The following FARSB variants were observed in gnomAD, a reference collection of about 807,000 sequenced individuals.
FARSB encodes phenylalanine--tRNA ligase beta subunit.
FARSB carries 40 observed loss-of-function variants against 69.6 expected under a neutral mutation model. The observed-to-expected ratio is 0.57, with a 90% CI of 0.45 to 0.75. FARSB has a LOEUF of 0.75. Ranked by LOEUF, FARSB falls within the 30% of genes least tolerant of loss-of-function variation. The probability of loss-of-function intolerance (pLI) is 0.00; values close to 1 mark genes in which losing one functional copy is unlikely to be tolerated. For missense variants in FARSB, 632 were observed against 722.9 expected (o/e 0.87, Z 1.44); for synonymous variants, 235 against 247.2 (o/e 0.95, Z 0.46).
chr2:222,655,275 C>T (rs2106021448), intron 1 of FARSB, among the ~76,000 whole-genome samples: 1 of 152,088 alleles, frequency 6.6e-6, no homozygotes, highest in South Asian at 2.1e-4. Context: ...TATCTCCCTC[C>T]TTTTTTTCAA....
At chr2:222,618,944 C>A (rs1691066472) in intron 14 of FARSB, among the ~76,000 whole-genome samples, 1 of 152,094 alleles carries the variant, frequency 6.6e-6, no homozygotes, top group Non-Finnish European at 1.5e-5. Context: ...AGTTCAGAAC[C>A]AGCCTCGCCA....
intron 16 of FARSB, among the ~76,000 whole-genome samples, chr2:222,587,574 T>A (rs1277161962): frequency 6.6e-6 from 1 of 152,070 alleles, no homozygotes; most frequent in African/African-American, 2.4e-5. Context: ...CAGGAGCTGG[T>A]TTTTTGAAAA....
chr2:222,638,045 GAA>G (rs1303810645), intron 5 of FARSB, among the ~76,000 whole-genome samples: 6 of 150,946 alleles, frequency 4.0e-5, no homozygotes, highest in African/African-American at 7.3e-5. Flanking sequence ...CTGATCAAAG[GAA>G]AAAAAAGAGA....
At chr2:222,583,997 A>G (rs1690039754) in intron 16 of FARSB, among the ~76,000 whole-genome samples, 2 of 152,196 alleles carry the variant, frequency 1.3e-5, no homozygotes, top group South Asian at 2.1e-4. Context: ...ATATTTCTTC[A>G]TAGCAGCATG....
At chr2:222,584,946 C>T (rs186469518) in intron 16 of FARSB, among the ~76,000 whole-genome samples, 8 of 152,362 alleles carry the variant, frequency 5.3e-5, no homozygotes, top group African/African-American at 1.7e-4. Flanking sequence ...GCAGCAGAAA[C>T]TTCTGCAGAC....
At position 222,651,253 on chromosome 2, in the gene FARSB, T is replaced by G. The variant is rs1031059806; in HGVS notation, c.59-2458A>C. On this transcript the variant is annotated intron_variant, in intron 1 of 16. Coordinates refer to ENST00000281828, the MANE Select transcript of FARSB (RefSeq NM_005687.5). ...GGACTGTAAAAAATCAATGGGGTGA[T>G]GTAACTAAGATTTCCAACCAGTGTT... 1.2e-4 allele frequency among the ~76,000 whole-genome samples: 18 copies of G among 152,158 alleles called. 1 individual carries two copies. Among genetic ancestry groups the G allele is most frequent in the African/African-American group, 4.1e-4 (17 of 41,406 alleles).
chr2:222,616,195 G>A (rs969366831), intron 14 of FARSB, among the ~76,000 whole-genome samples: 46 of 152,208 alleles, frequency 3.0e-4, no homozygotes, highest in African/African-American at 7.9e-4. Flanking sequence ...AAAGACGGAA[G>A]GATGAGAGGT....
intron 5 of FARSB, 121 bp downstream of exon 5, chr2:222,639,457 GGA>G (rs2106235399): frequency 4.0e-5 from 18 of 445,074 alleles, no homozygotes; most frequent in South Asian, 2.0e-4. Flanking sequence ...AAGAAAGGAA[GGA>G]GAGAGAGAGA....
In FARSB at chr2:222,642,828, C is replaced by G. The variant is rs768846321; in HGVS notation, c.269+23G>C. ...AAAAGAAAACCCAACTTAGCAAAGT[C>G]TTTAAGGAACATATTTCCTTACCTT... is the stretch of plus-strand genomic sequence containing the variant. On this transcript the variant is annotated intron_variant, in intron 3 of 16. Transcript: ENST00000281828. 4 of 1,567,524 alleles carry G rather than the reference C, an allele frequency of 2.6e-6. No individual in the cohort carries two copies. The African/African-American group carries it at 5.5e-5, about 22-fold the overall frequency.
At chr2:222,590,845 C>T (rs1438676707) in intron 16 of FARSB, among the ~76,000 whole-genome samples, 1 of 152,022 alleles carries the variant, frequency 6.6e-6, no homozygotes, top group African/African-American at 2.4e-5. Context: ...GACATCGGGA[C>T]TTATTATGCT....
chr2:222,610,804 T>C (rs28708680), intron 15 of FARSB, among the ~76,000 whole-genome samples: 395 of 152,346 alleles, frequency 2.6e-3, no homozygotes, highest in African/African-American at 9.3e-3. Flanking sequence ...ATAAGTGCTA[T>C]CATTATTCCC....
intron 1 of FARSB, among the ~76,000 whole-genome samples, chr2:222,653,946 C>T (rs185889665): frequency 4.0e-5 from 6 of 151,774 alleles, no homozygotes; most frequent in African/African-American, 2.4e-5. Flanking sequence ...AGCTAACAAA[C>T]ACATATTTGT....
intron 16 of FARSB, among the ~76,000 whole-genome samples, chr2:222,593,277 C>A (rs892186705): frequency 2.6e-5 from 4 of 152,124 alleles, no homozygotes; most frequent in Admixed American, 2.6e-4. Flanking sequence ...TTGACAAAAA[C>A]CTTACTCCTC....
intron 1 of FARSB, among the ~76,000 whole-genome samples, chr2:222,651,496 T>C (rs907605297): frequency 6.6e-6 from 1 of 152,228 alleles, no homozygotes; most frequent in African/African-American, 2.4e-5. Flanking sequence ...ATCAAGGATA[T>C]GACCATAAAA....
intron 16 of FARSB, among the ~76,000 whole-genome samples, chr2:222,577,378 C>T (rs556487284): frequency 1.2e-4 from 18 of 152,294 alleles, no homozygotes; most frequent in African/African-American, 4.1e-4. Flanking sequence ...TCATCCCTTT[C>T]TGAAGATCAA....
intron 15 of FARSB, 44 bp downstream of exon 15, chr2:222,613,767 A>G: frequency 8.1e-7 from 1 of 1,232,536 alleles, no homozygotes; most frequent in Non-Finnish European, 1.2e-6. Context: ...AATGAAAAAA[A>G]TGTTTTAAAT....
chr2:222,640,734 C>G (rs1193784426), intron 4 of FARSB, 128 bp downstream of exon 4: 4 of 577,744 alleles, frequency 6.9e-6, no homozygotes, highest in African/African-American at 2.0e-5. Flanking sequence ...CCAGTCTGGG[C>G]AAAAGAGCCA....
chr2:222,621,527 CTTTTTTAATGTTAATA>C, intron 13 of FARSB, among the ~76,000 whole-genome samples: 1 of 152,046 alleles, frequency 6.6e-6, no homozygotes, highest in Non-Finnish European at 1.5e-5. Flanking sequence ...CTGCCAGGAA[CTTTTTTAATGTTAATA>C]TTTATGTGTT....
intron 9 of FARSB, among the ~76,000 whole-genome samples, chr2:222,629,296 T>G (rs933665748): frequency 2.1e-4 from 32 of 152,174 alleles, no homozygotes; most frequent in African/African-American, 7.5e-4. Flanking sequence ...CTTTCTACAG[T>G]TATATATTTA....
Sources: allele counts gnomAD v4.1 joint callset (sites outside exome capture counted in the v4.1 genomes callset), GRCh38; gene constraint gnomAD v4.1.1; transcripts MANE v1.5; gene names NCBI Gene and HGNC (gene_info 2026-07-23, HGNC 2026-07-21).